NUP214: variants seen among roughly 807,000 people sequenced by gnomAD.
The protein encoded by NUP214 is nucleoporin 214.
A neutral mutation model predicts 196.2 loss-of-function variants in NUP214; 79 were observed. That is an observed-to-expected ratio of 0.40 (90% CI 0.34 to 0.49). The LOEUF is 0.49. Ranked by LOEUF, NUP214 falls within the 20% of genes least tolerant of loss-of-function variation. NUP214 has a pLI of 0.58. For synonymous variants in NUP214, 1,020 were observed against 990.5 expected (o/e 1.03, Z -0.56); for missense variants, 2,468 against 2,539.0 (o/e 0.97, Z 0.60).
chr9:131,177,111 T>G (rs1056205115), intron 23 of NUP214, among the ~76,000 whole-genome samples: 2 of 151,814 alleles, frequency 1.3e-5, no homozygotes, highest in Non-Finnish European at 2.9e-5. Context: ...CAATTTAGAG[T>G]TTTTTTTAAA....
rs564875340 is a variant in NUP214, at chr9:131,153,454, T to TGTGG, written c.2436+1561_2436+1564dup. 6.0e-4 allele frequency: 92 copies of TGTGG among 152,270 alleles called. 2 individuals are homozygous for TGTGG. Among genetic ancestry groups the TGTGG allele is most frequent in the Admixed American group, 5.2e-3 (79 of 15,298 alleles). The allele number at this position is 152,270 out of a possible 1,614,324, so 9.4% of individuals were successfully genotyped here. On this transcript the variant is annotated intron_variant, in intron 17 of 35. Transcript: ENST00000359428. ...TATTCCTGATGCGTCCTCTTTCCAC[T>TGTGG]GTGGATATTACCTCTCAGCAAGAGA... is the stretch of plus-strand genomic sequence containing the variant.
chr9:131,216,141 C>T (rs12353349), intron 31 of NUP214, among the ~76,000 whole-genome samples: 293 of 151,670 alleles, frequency 1.9e-3, no homozygotes, highest in African/African-American at 6.5e-3. Flanking sequence ...CCGCCCGCCT[C>T]GGCCTCCCAA....
intron 28 of NUP214, among the ~76,000 whole-genome samples, chr9:131,196,457 G>A (rs867191009): frequency 9.2e-5 from 14 of 152,130 alleles, no homozygotes; most frequent in Admixed American, 1.3e-4. Context: ...CACCACGCCC[G>A]GCCTCGTTAC....
At chr9:131,187,134 C>T (rs985262395) in intron 24 of NUP214, 155 bp from the exon 25 acceptor site, 10 of 600,070 alleles carry the variant, frequency 1.7e-5, no homozygotes, top group African/African-American at 1.3e-4. Flanking sequence ...ATTTATCCTT[C>T]AAAAAAAATG....
chr9:131,210,409 C>T (rs1016759405), intron 30 of NUP214, among the ~76,000 whole-genome samples: 3 of 152,286 alleles, frequency 2.0e-5, no homozygotes, highest in Non-Finnish European at 4.4e-5. Context: ...GCGGGCGGAT[C>T]ACGAGGTCAG....
intron 30 of NUP214, 134 bp from the exon 31 acceptor site, chr9:131,215,078 A>T: frequency 1.5e-6 from 1 of 686,730 alleles, no homozygotes; most frequent in Non-Finnish European, 2.2e-6. Flanking sequence ...TGTGGTGGTT[A>T]GAGCATTTGT....
rs1491015301 is a variant in NUP214 at position 131,132,117 on chromosome 9, TTC to T, written c.664-477_664-476del. Among the ~76,000 whole-genome samples, 146 of 121,194 alleles carry T rather than the reference TTC, an allele frequency of 1.2e-3. 20 individuals carry two copies. The highest frequency in any genetic ancestry group is 1.6e-3 in the African/African-American group (52 of 31,578). The allele number at this position is 121,194 out of a possible 152,430, so 79.5% of individuals were successfully genotyped here. A position where few individuals can be genotyped will look rare whatever the true frequency, so the allele number is the denominator to read the frequency against. ...CGTTCATGCGTTTCTTTTCTTTTCTTTCTTTTTTTTTTTTTTTTGGAGACCAA... is the reference window on the plus strand; with the variant it reads ...CGTTCATGCGTTTCTTTTCTTTTCTTTTTTTTTTTTTTTTTTGGAGACCAA... On this transcript the variant is annotated intron_variant, in intron 5 of 35. Transcript: ENST00000359428.
rs139152448 is a variant in NUP214 at position 131,182,824 on chromosome 9, G to A, written c.3419+4414G>A. Reference sequence around the variant, plus strand: ...TTTTCTGCCTTTTTTTGGGTTAAATGTCTCTATGACTCTATTTTAACTTTT... The same window carrying A: ...TTTTCTGCCTTTTTTTGGGTTAAATATCTCTATGACTCTATTTTAACTTTT... On this transcript the variant is annotated intron_variant, in intron 24 of 35. Coordinates refer to ENST00000359428, the MANE Select transcript of NUP214 (RefSeq NM_005085.4). Among the ~76,000 whole-genome samples, 349 of 152,124 alleles carry A rather than the reference G, an allele frequency of 2.3e-3. 4 individuals carry two copies. Among genetic ancestry groups the A allele is most frequent in the African/African-American group, 8.1e-3 (335 of 41,506 alleles).
chr9:131,216,448 G>A (rs1385388862), intron 31 of NUP214, among the ~76,000 whole-genome samples: 5 of 145,540 alleles, frequency 3.4e-5, no homozygotes, highest in Admixed American at 6.9e-5. Context: ...AGGAGGTCTC[G>A]ATCTCCTGAC....
chr9:131,218,370 G>T (rs1029871180), intron 31 of NUP214, among the ~76,000 whole-genome samples: 12 of 152,134 alleles, frequency 7.9e-5, no homozygotes, highest in African/African-American at 2.7e-4. Context: ...GAAAGGCATT[G>T]TCCTCACCAC....
intron 14 of NUP214, 60 bp downstream of exon 14, chr9:131,147,644 T>G (rs1832123472): frequency 8.2e-7 from 1 of 1,216,806 alleles, no homozygotes; most frequent in African/African-American, 1.5e-5. Flanking sequence ...CAAGCATACC[T>G]ATGAATAAAA....
At chr9:131,144,807 T>A (rs761481894) in intron 12 of NUP214, 53 bp downstream of exon 12, 82 of 1,320,984 alleles carry the variant, frequency 6.2e-5, no homozygotes, top group Non-Finnish European at 8.0e-5. Context: ...AAATATTGGA[T>A]GTTATTTACT....
intron 31 of NUP214, among the ~76,000 whole-genome samples, chr9:131,220,610 A>C (rs1338018122): frequency 6.6e-6 from 1 of 152,212 alleles, no homozygotes; most frequent in Non-Finnish European, 1.5e-5. Flanking sequence ...GCCTTTTCCG[A>C]GAGTCTACAA....
chr9:131,230,827 C>T lies in NUP214; in HGVS notation c.6214+58C>T, dbSNP rs573787426. On this transcript the variant is annotated intron_variant, in intron 34 of 35. Transcript: ENST00000359428. ...AAATGGGTCCCTCTTGCCTTCTCCC[C>T]CAAAGAAATGAGTATGTTTTACCTG... 9.3e-5 allele frequency: 145 copies of T among 1,560,686 alleles called. 1 individual carries two copies. The African/African-American group carries it at 1.6e-3, about 18-fold the overall frequency.
chr9:131,175,482 T>C lies in NUP214; in HGVS notation c.3180T>C (p.Ile1060=), dbSNP rs1191278022. The change falls in exon 23 of 36, where the codon ATT becomes ATC. Residue 1060 remains isoleucine, a synonymous_variant. Coordinates refer to ENST00000359428, the MANE Select transcript of NUP214 (RefSeq NM_005085.4). The part of the protein sequence containing the change: ...GTSVATSASK[I]IPQGADSTML... ...TAGTGGCTACATCTGCTAGCAAAAT[T>C]ATTCCTCAAGGGGCCGATAGCACAA... 6.2e-7 allele frequency: 1 copy of C among 1,614,054 alleles called. No individual in the cohort carries two copies. The highest frequency in any genetic ancestry group is 2.2e-5 in the East Asian group (1 of 44,898).
intron 11 of NUP214, chr9:131,141,763 T>TA (rs1304870033): frequency 6.6e-6 from 1 of 152,226 alleles, no homozygotes; most frequent in African/African-American, 2.4e-5. Flanking sequence ...ATACGCATGA[T>TA]ACACTGTGCA....
Position 131,197,885 on chromosome 9 carries a change from T to G in NUP214, c.4391T>G (p.Leu1464Arg). ...CCACCAACTACAGCTGCCACTCCCC[T>G]TCCAACATCATTCCCCACATTGTCA... The part of the protein sequence containing the change: ...APPPTTAATP[L>R]PTSFPTLSFG... Residue 1464 changes from leucine (L) to arginine (R), a missense_variant, in exon 29 of 36, where the codon CTT becomes CGT. Around this residue, in one of 5 missense-constraint regions of NUP214, gnomAD observed 1,801 missense variants for 1,779.4 expected, o/e 1.01. Coordinates refer to ENST00000359428, the MANE Select transcript of NUP214 (RefSeq NM_005085.4). 3.7e-6 allele frequency: 6 copies of G among 1,613,876 alleles called. No individual in the cohort carries two copies. Among genetic ancestry groups the G allele is most frequent in the Non-Finnish European group, 5.1e-6 (6 of 1,180,014 alleles).
chr9:131,134,909 A>G lies in NUP214; in HGVS notation c.843A>G (p.Glu281=). ...VVMALLPKKE[E]KHPEIFVNFM... is the part of the protein sequence containing the mutation. ...TTTGTTCATTGTAGAAAAAAGAAGA[A>G]AAGCACCCAGAGATATTTGTGAACT... Residue 281 remains glutamate (E), a synonymous_variant, in exon 8 of 36, where the codon GAA becomes GAG. Transcript: ENST00000359428. The G allele has an allele frequency of 6.2e-7, 1 of 1,613,370 alleles. No individual in the cohort carries two copies. The highest frequency in any genetic ancestry group is 8.5e-7 in the Non-Finnish European group (1 of 1,179,508).
In NUP214 at chr9:131,159,504, T is replaced by C. The variant is rs772245164; in HGVS notation, c.2540+18T>C. ...AAACAAAGGTGAATGAGATCTCTCA[T>C]CTGCAATGTGTTGGAATAGATATTG... is the stretch of plus-strand genomic sequence containing the variant. On this transcript the variant is annotated intron_variant, in intron 18 of 35. Coordinates refer to ENST00000359428, the MANE Select transcript of NUP214 (RefSeq NM_005085.4). 2.6e-6 allele frequency: 4 copies of C among 1,552,662 alleles called. No homozygotes were observed. The highest frequency in any genetic ancestry group is 2.2e-5 in the South Asian group (2 of 89,600).
Sources: allele counts gnomAD v4.1 joint callset (sites outside exome capture counted in the v4.1 genomes callset), GRCh38; gene constraint gnomAD v4.1.1; regional missense constraint gnomAD v4.1.1; transcripts MANE v1.5; gene names NCBI Gene and HGNC (gene_info 2026-07-23, HGNC 2026-07-21).